Variants in BMP7 observed in about 807,000 individuals in gnomAD.
The protein encoded by BMP7 is bone morphogenetic protein 7.
In BMP7, 12 loss-of-function variants were observed where a neutral mutation model predicts 41.2. The observed-to-expected ratio is 0.29, with a 90% CI of 0.19 to 0.47. BMP7 has a LOEUF of 0.47. Ranked by LOEUF, BMP7 falls within the 20% of genes least tolerant of loss-of-function variation. The pLI is 0.99. For synonymous variants in BMP7, 248 were observed against 250.0 expected (o/e 0.99, Z 0.07); for missense variants, 467 against 606.0 (o/e 0.77, Z 2.41).
intron 3 of BMP7, among the ~76,000 whole-genome samples, chr20:57,190,671 G>A (rs1012331480): frequency 4.6e-5 from 7 of 152,042 alleles, no homozygotes; most frequent in African/African-American, 4.8e-5. Flanking sequence ...CCAGAAGCGC[G>A]TCCGCTCCTG....
chr20:57,248,316 C>T (rs936156800), intron 1 of BMP7, among the ~76,000 whole-genome samples: 2 of 152,194 alleles, frequency 1.3e-5, no homozygotes, highest in African/African-American at 4.8e-5. Flanking sequence ...CACTGCCAAC[C>T]CACTTTTCCC....
At chr20:57,179,077 G>A (rs1208968900) in intron 4 of BMP7, among the ~76,000 whole-genome samples, 2 of 152,230 alleles carry the variant, frequency 1.3e-5, no homozygotes, top group Non-Finnish European at 2.9e-5. Context: ...TATGGTGTAC[G>A]AGTGAGGCGT....
At chr20:57,184,001 T>G (rs1984152574) in intron 3 of BMP7, 82 bp from the exon 4 acceptor site, 1 of 1,470,382 alleles carries the variant, frequency 6.8e-7, no homozygotes, top group Non-Finnish European at 9.3e-7. Flanking sequence ...ATGCTATGCC[T>G]CCCGGTTCAT....
intron 2 of BMP7, chr20:57,225,785 T>C (rs1160360069): frequency 4.8e-6 from 2 of 420,544 alleles, no homozygotes; most frequent in African/African-American, 4.1e-5. Context: ...TGTAGAAACC[T>C]AAAGAAAGCA....
intron 4 of BMP7, among the ~76,000 whole-genome samples, chr20:57,179,493 C>A (rs550066601): frequency 6.6e-6 from 1 of 152,358 alleles, no homozygotes; most frequent in East Asian, 1.9e-4. Flanking sequence ...GTTTCTCAAC[C>A]CCAAACCGCA....
At position 57,176,379 on chromosome 20, in the gene BMP7, G is replaced by A. The variant is rs114662817; in HGVS notation, c.959-1372C>T. Among the ~76,000 whole-genome samples the A allele has an allele frequency of 4.8e-3, 734 of 152,270 alleles. 6 individuals carry two copies. Among genetic ancestry groups the A allele is most frequent in the African/African-American group, 0.017 (693 of 41,536 alleles). On this transcript the variant is annotated intron_variant, in intron 4 of 6. Transcript: ENST00000395863. ...TGGTGAATTTTCTACTGGTTGAAGC[G>A]CATTTGACTTGGGTTTCTGATGTCT...
At chr20:57,256,321 A>T (rs2066134144) in intron 1 of BMP7, among the ~76,000 whole-genome samples, 1 of 152,270 alleles carries the variant, frequency 6.6e-6, no homozygotes, top group South Asian at 2.1e-4. Context: ...TTTCAGTAAC[A>T]CACCCCACAA....
chr20:57,237,966 G>C (rs1015537542), intron 1 of BMP7, among the ~76,000 whole-genome samples: 16 of 152,166 alleles, frequency 1.1e-4, no homozygotes, highest in Non-Finnish European at 1.9e-4. Context: ...AAAATACACA[G>C]AATATACAAT....
intron 1 of BMP7, among the ~76,000 whole-genome samples, chr20:57,238,500 T>C (rs35420824): frequency 0.24 from 36,244 of 152,064 alleles, 5,223 homozygotes; most frequent in South Asian, 0.37. Context: ...ATTGTAGCTC[T>C]ATTTTCAATA....
intron 4 of BMP7, among the ~76,000 whole-genome samples, chr20:57,180,423 T>G (rs2123063918): frequency 6.6e-6 from 1 of 152,158 alleles, no homozygotes; most frequent in East Asian, 1.9e-4. Context: ...CCTGGCCTCG[T>G]GGGCACCCAC....
chr20:57,176,789 C>T (rs1983934009), intron 4 of BMP7, among the ~76,000 whole-genome samples: 1 of 150,754 alleles, frequency 6.6e-6, no homozygotes, highest in African/African-American at 2.4e-5. Context: ...CACACACACA[C>T]ACCTGTTAAC....
intron 3 of BMP7, among the ~76,000 whole-genome samples, chr20:57,202,079 A>T (rs190572730): frequency 6.6e-6 from 1 of 152,268 alleles, no homozygotes; most frequent in African/African-American, 2.4e-5. Context: ...GGACGCTGCT[A>T]AACACCCTGC....
chr20:57,228,152 C>A lies in BMP7; in HGVS notation c.611+77G>T. 1 of 1,524,610 alleles carries A rather than the reference C, an allele frequency of 6.6e-7. No individual in the cohort carries two copies. The highest frequency in any genetic ancestry group is 9.1e-7 in the Non-Finnish European group (1 of 1,101,392). The allele number at this position is 1,524,610 out of a possible 1,614,324, so 94.4% of individuals were successfully genotyped here. A position where few individuals can be genotyped will look rare whatever the true frequency, so the allele number is the denominator to read the frequency against. ...CGTGGTTGTGCCAATCTGACCCATCCTCTGGCCCTCACCACCTTCTTCCTC... is the reference window on the plus strand; with the variant it reads ...CGTGGTTGTGCCAATCTGACCCATCATCTGGCCCTCACCACCTTCTTCCTC... On this transcript the variant is annotated intron_variant, in intron 2 of 6. Transcript: ENST00000395863. The surrounding 1 kb of genome is among the most constrained non-coding windows in gnomAD (Gnocchi z 4.5).
intron 1 of BMP7, among the ~76,000 whole-genome samples, chr20:57,247,598 A>G (rs1568728933): frequency 6.6e-6 from 1 of 152,202 alleles, no homozygotes; most frequent in Non-Finnish European, 1.5e-5. Flanking sequence ...GAAGGCATAT[A>G]GGTGCCCAGA....
intron 6 of BMP7, 49 bp downstream of exon 6, chr20:57,173,151 C>T: frequency 2.5e-6 from 4 of 1,569,974 alleles, no homozygotes; most frequent in Non-Finnish European, 3.5e-6. Context: ...GGTGGCCCCG[C>T]AGCCTGCCCG....
chr20:57,226,692 G>A (rs927495270), intron 2 of BMP7, among the ~76,000 whole-genome samples: 3 of 152,198 alleles, frequency 2.0e-5, no homozygotes, highest in South Asian at 2.1e-4. Flanking sequence ...AGATTCCTTC[G>A]CTGATTTCAG....
chr20:57,196,025 C>T (rs974844270), intron 3 of BMP7, among the ~76,000 whole-genome samples: 3 of 152,108 alleles, frequency 2.0e-5, no homozygotes, highest in Non-Finnish European at 2.9e-5. Flanking sequence ...AAGGGCTCCC[C>T]GATCATCTTC....
At chr20:57,242,052 G>A (rs1357969871) in intron 1 of BMP7, among the ~76,000 whole-genome samples, 1 of 152,124 alleles carries the variant, frequency 6.6e-6, no homozygotes, top group African/African-American at 2.4e-5. Flanking sequence ...CTCCCAGAGG[G>A]AGGAACGCAG....
chr20:57,254,214 G>A (rs766149733), intron 1 of BMP7, among the ~76,000 whole-genome samples: 3 of 151,420 alleles, frequency 2.0e-5, no homozygotes, highest in Non-Finnish European at 4.4e-5. Flanking sequence ...GTAGAAACGG[G>A]GTTTCACCAT....
Sources: gnomAD v4.1 joint callset for allele counts (sites outside exome capture counted in the v4.1 genomes callset) on GRCh38, gnomAD v4.1.1 for gene constraint, Gnocchi (gnomAD v3.1) non-coding constraint, MANE v1.5 for transcripts, NCBI Gene and HGNC (gene_info 2026-07-23, HGNC 2026-07-21) for gene names.